The following PPM1B variants were observed in gnomAD, a reference collection of about 807,000 sequenced individuals.
The protein encoded by PPM1B is protein phosphatase 1B.
Under a neutral mutation model 43.0 loss-of-function variants are expected in PPM1B, and 22 were observed. That is an observed-to-expected ratio of 0.51 (90% CI 0.37 to 0.73). The LOEUF (loss-of-function observed/expected upper bound fraction) is 0.73, where lower values mean the gene tolerates loss of function less well. PPM1B is among the 30% of genes least tolerant of loss of function. The pLI, the probability that PPM1B is intolerant of heterozygous loss-of-function variation, is 0.00. For missense variants in PPM1B, 632 were observed against 584.2 expected (o/e 1.08, Z -0.84); for synonymous variants, 217 against 197.9 (o/e 1.10, Z -0.81).
intron 4 of PPM1B, 129 bp from the exon 5 acceptor site, chr2:44,218,351 G>A (rs1264749980): frequency 2.7e-6 from 2 of 735,428 alleles, no homozygotes; most frequent in South Asian, 1.7e-5. Context: ...AAGTGTAGAA[G>A]GTATGTTCTT....
At chr2:44,220,940 C>A (rs1439789948) in intron 5 of PPM1B, among the ~76,000 whole-genome samples, 1 of 152,110 alleles carries the variant, frequency 6.6e-6, no homozygotes, top group Non-Finnish European at 1.5e-5. Flanking sequence ...TCTTTTTTGG[C>A]TAAAGCAGAG....
In PPM1B at chr2:44,230,884, A is replaced by G. The variant is rs1670443232; in HGVS notation, c.*166A>G. ...AGGCCTTTGCATACACCTTTATGAG[A>G]TAGTGTAAAATTGACTATTTATAGT... On this transcript the variant is annotated 3_prime_UTR_variant, in exon 6 of 6. Transcript: ENST00000282412. The G allele has an allele frequency of 1.5e-6, 2 of 1,358,246 alleles. No homozygotes were observed. The highest frequency in any genetic ancestry group is 2.7e-5 in the East Asian group (1 of 37,482). The allele number at this position is 1,358,246 out of a possible 1,614,324, so 84.1% of individuals were successfully genotyped here. A position where few individuals can be genotyped will look rare whatever the true frequency, so the allele number is the denominator to read the frequency against.
intron 3 of PPM1B, among the ~76,000 whole-genome samples, chr2:44,214,114 C>T (rs1047180647): frequency 2.6e-5 from 4 of 152,198 alleles, no homozygotes; most frequent in Admixed American, 6.5e-5. Flanking sequence ...GAGTCTCGCA[C>T]TGTCACCCAG....
rs1670448240 is a variant in PPM1B at position 44,230,995 on chromosome 2, A to G, written c.*277A>G. 4.9e-6 allele frequency: 5 copies of G among 1,025,492 alleles called. No homozygotes were observed. The highest frequency in any genetic ancestry group is 4.8e-6 in the Non-Finnish European group (4 of 837,012). The allele number at this position is 1,025,492 out of a possible 1,614,324, so 63.5% of individuals were successfully genotyped here. A position where few individuals can be genotyped will look rare whatever the true frequency, so the allele number is the denominator to read the frequency against. ...ATTATGAATTAAAGTCAGTAGTTAA[A>G]TTAATACTAGATAGAATTAGAAATT... On this transcript the variant is annotated 3_prime_UTR_variant, in exon 6 of 6. Transcript: ENST00000282412.
intron 1 of PPM1B, among the ~76,000 whole-genome samples, chr2:44,183,028 A>G (rs1015781044): frequency 2.0e-5 from 3 of 152,178 alleles, no homozygotes; most frequent in East Asian, 1.9e-4. Context: ...AGCTGTTACT[A>G]GATTATCCTG....
chr2:44,201,396 G>A lies in PPM1B; in HGVS notation c.197G>A (p.Arg66Gln), dbSNP rs1201122084. Residue 66 changes from arginine (R) to glutamine (Q), a missense_variant, in exon 2 of 6, where the codon CGA becomes CAA. Arg to Gln is a conservative substitution (Grantham distance 43, BLOSUM62 1). Around this residue, in one of 3 missense-constraint regions of PPM1B, gnomAD observed 200 missense variants for 200.7 expected, o/e 1.00. Coordinates refer to ENST00000282412, the MANE Select transcript of PPM1B (RefSeq NM_002706.6). This position sits in a 1 kb window ranked among gnomAD's most constrained non-coding sequence, Gnocchi z 5.4. ...GTTTATGATGGTCATGCTGGATCCC[G>A]AGTGGCAAATTACTGCTCAACACAT... ...FAVYDGHAGSRVANYCSTHLL... is the reference protein window; with the variant it reads ...FAVYDGHAGSQVANYCSTHLL... The A allele has an allele frequency of 6.2e-7, 1 of 1,614,092 alleles. No individual in the cohort carries two copies.
chr2:44,230,491 G>A lies in PPM1B; in HGVS notation c.1213G>A (p.Gly405Arg). The A allele has an allele frequency of 6.2e-7, 1 of 1,614,096 alleles. No individual in the cohort carries two copies. The highest frequency in any genetic ancestry group is 8.5e-7 in the Non-Finnish European group (1 of 1,179,994). Residue 405 changes from glycine to arginine, a missense_variant, in exon 6 of 6, where the codon GGA (glycine) becomes AGA (arginine). Around this residue, in one of 3 missense-constraint regions of PPM1B, gnomAD observed 392 missense variants for 302.7 expected, o/e 1.29. Transcript: ENST00000282412. ...ALRQMRINHR[G>R]NYRQLLEEML... ...CAGGCAAATGAGAATTAATCATAGGGGAAACTACCGACAACTTCTGGAGGA... is the reference window on the plus strand; with the variant it reads ...CAGGCAAATGAGAATTAATCATAGGAGAAACTACCGACAACTTCTGGAGGA...
chr2:44,216,427 C>G (rs1229258950), intron 3 of PPM1B, among the ~76,000 whole-genome samples: 2 of 152,128 alleles, frequency 1.3e-5, no homozygotes, highest in African/African-American at 2.4e-5. Context: ...CTATAAGACA[C>G]AGATTTAAGG....
chr2:44,170,762 G>T (rs920512031), intron 1 of PPM1B, among the ~76,000 whole-genome samples: 2 of 152,208 alleles, frequency 1.3e-5, no homozygotes, highest in African/African-American at 4.8e-5. Flanking sequence ...AAGTGTACAG[G>T]CCTTTTAAAA....
At chr2:44,177,713 C>A (rs1436167456) in intron 1 of PPM1B, among the ~76,000 whole-genome samples, 3 of 151,770 alleles carry the variant, frequency 2.0e-5, no homozygotes, top group Non-Finnish European at 4.4e-5. Flanking sequence ...CCACCGCGCC[C>A]GGCCTACATG....
intron 1 of PPM1B, among the ~76,000 whole-genome samples, chr2:44,193,996 G>C (rs1385970261): frequency 6.6e-6 from 1 of 152,162 alleles, no homozygotes; most frequent in Non-Finnish European, 1.5e-5. Context: ...TTGCAGGCAT[G>C]AACTACTGCA....
chr2:44,184,365 A>G (rs1668025512), intron 1 of PPM1B, among the ~76,000 whole-genome samples: 1 of 151,368 alleles, frequency 6.6e-6, no homozygotes, highest in African/African-American at 2.4e-5. Context: ...TCCTCCCACA[A>G]CTCTGGTTGC....
Position 44,239,673 on chromosome 2 carries a change from C to T in PPM1B, n.1547-4555C>T, listed in dbSNP as rs546103653. On this transcript the variant is annotated intron_variant and non_coding_transcript_variant, in intron 5 of 5. Coordinates refer to the PPM1B transcript ENST00000378540. ...AACTACAGAAGGATCTCTAATGTTA[C>T]CTTCCAGCCATTTTAGAAGTCTACC... 2.1e-4 allele frequency among the ~76,000 whole-genome samples: 32 copies of T among 152,258 alleles called. No individual in the cohort carries two copies. In the South Asian group the frequency reaches 6.4e-3, roughly 31 times the overall value.
chr2:44,180,662 G>T (rs191789688), intron 1 of PPM1B, among the ~76,000 whole-genome samples: 1 of 151,934 alleles, frequency 6.6e-6, no homozygotes, highest in East Asian at 1.9e-4. Flanking sequence ...CCAGGCTAGA[G>T]TGCAGGAGTG....
chr2:44,236,427 A>AAAAAAAAAAAAAAAAAT (rs1670615825), downstream of PPM1B, among the ~76,000 whole-genome samples: 1 of 148,426 alleles, frequency 6.7e-6, no homozygotes, highest in Non-Finnish European at 1.5e-5. Context: ...AAAAAAAAAA[A>AAAAAAAAAAAAAAAAAT]GTTGTAATGA....
chr2:44,193,590 T>C (rs867192032), intron 1 of PPM1B, among the ~76,000 whole-genome samples: 6 of 147,332 alleles, frequency 4.1e-5, no homozygotes, highest in South Asian at 2.2e-4. Context: ...TTTTTTTTTT[T>C]TTTTTGAGAG....
At chr2:44,241,407 A>C (rs1490212494) in intron 5 of PPM1B, among the ~76,000 whole-genome samples, 1 of 144,704 alleles carries the variant, frequency 6.9e-6, no homozygotes, top group Admixed American at 6.9e-5. Context: ...CTGTGTCGGG[A>C]ATACATGTGT....
intron 1 of PPM1B, among the ~76,000 whole-genome samples, chr2:44,195,601 C>T (rs1668625919): frequency 6.6e-6 from 1 of 152,108 alleles, no homozygotes; most frequent in Non-Finnish European, 1.5e-5. Context: ...TGCTGGACGC[C>T]AGGAGTTCAA....
chr2:44,217,260 A>G (rs1053027898), intron 3 of PPM1B, among the ~76,000 whole-genome samples: 1 of 151,024 alleles, frequency 6.6e-6, no homozygotes, highest in Non-Finnish European at 1.5e-5. Context: ...TTAGCCAGGC[A>G]TGGTAGCACA....
Sources: allele counts gnomAD v4.1 joint callset (sites outside exome capture counted in the v4.1 genomes callset), GRCh38; gene constraint gnomAD v4.1.1; regional missense constraint gnomAD v4.1.1; non-coding constraint Gnocchi (gnomAD v3.1); transcripts MANE v1.5; gene names NCBI Gene and HGNC (gene_info 2026-07-23, HGNC 2026-07-21).